SIGLEC15: variants seen among roughly 807,000 people sequenced by gnomAD.
SIGLEC15 encodes the protein sialic acid-binding Ig-like lectin 15.
Under a neutral mutation model 26.2 loss-of-function variants are expected in SIGLEC15, and 31 were observed. That is an observed-to-expected ratio of 1.18 (90% CI 0.89 to 1.60). SIGLEC15 has a LOEUF of 1.60. Ranked by LOEUF, SIGLEC15 falls within the 40% of genes most tolerant of loss-of-function variation. SIGLEC15 has a pLI of 0.00. For missense variants in SIGLEC15, 501 were observed against 488.4 expected (o/e 1.03, Z -0.24); for synonymous variants, 207 against 221.9 (o/e 0.93, Z 0.60).
intron 2 of SIGLEC15, 98 bp from the exon 3 acceptor site, chr18:45,837,415 T>G: frequency 7.3e-7 from 1 of 1,375,478 alleles, no homozygotes; most frequent in Non-Finnish European, 9.4e-7. Flanking sequence ...AGGCTAGGGG[T>G]TGGGGGAGCG....
intron 1 of SIGLEC15, among the ~76,000 whole-genome samples, chr18:45,830,363 T>A (rs997490771): frequency 1.3e-5 from 2 of 152,232 alleles, no homozygotes; most frequent in Admixed American, 6.5e-5. Context: ...ATCAGTCAAC[T>A]GCTCCCTAGT....
chr18:45,842,426 T>C lies in SIGLEC15; in HGVS notation c.*239T>C, dbSNP rs2048332796. The stretch of plus-strand genomic sequence containing the variant: ...CATTTCGTAAATGTGCATACGTCTG[T>C]GTGTGTGTGTGTGTGTGAGAGAGAG... On this transcript the variant is annotated 3_prime_UTR_variant, in exon 6 of 6. Coordinates refer to ENST00000389474, the MANE Select transcript of SIGLEC15 (RefSeq NM_213602.3). 6.5e-6 allele frequency: 3 copies of C among 464,588 alleles called. No homozygotes were observed. The highest frequency in any genetic ancestry group is 3.0e-5 in the African/African-American group (1 of 33,366). 28.8% of individuals were successfully genotyped at this position (464,588 alleles called of 1,614,324 possible). A position where few individuals can be genotyped will look rare whatever the true frequency, so the allele number is the denominator to read the frequency against.
At position 45,827,350 on chromosome 18, in the gene SIGLEC15, C is replaced by A. The variant is rs532456459; in HGVS notation, c.52+1570C>A. Among the ~76,000 whole-genome samples, 6 of 152,314 alleles carry A rather than the reference C, an allele frequency of 3.9e-5. No homozygotes were observed. The East Asian group carries it at 5.8e-4, about 15-fold the overall frequency. ...TGTGGGGCTTTTGGCTGGGCCCCCC[C>A]ACTACCCCACCCCACACAGCCATGG... On this transcript the variant is annotated intron_variant, in intron 1 of 5. Coordinates refer to ENST00000389474, the MANE Select transcript of SIGLEC15 (RefSeq NM_213602.3).
chr18:45,838,593 G>A, intron 3 of SIGLEC15, 125 bp from the exon 4 acceptor site: 1 of 1,299,808 alleles, frequency 7.7e-7, no homozygotes, highest in Non-Finnish European at 1.0e-6. Context: ...TATTGGGACG[G>A]GGGCAGCCTG....
chr18:45,833,077 C>A (rs796891149), intron 1 of SIGLEC15, among the ~76,000 whole-genome samples: 54 of 152,288 alleles, frequency 3.5e-4, no homozygotes, highest in African/African-American at 1.3e-3. Context: ...GGGGCCCAGA[C>A]CTGCCATTTG....
Position 45,837,741 on chromosome 18 carries a change from T to G in SIGLEC15, c.341T>G (p.Phe114Cys). 14 of 1,511,076 alleles carry G rather than the reference T, an allele frequency of 9.3e-6. No homozygotes were observed. Among genetic ancestry groups the G allele is most frequent in the Non-Finnish European group, 1.2e-5 (14 of 1,138,194 alleles). The allele number at this position is 1,511,076 out of a possible 1,614,324, so 93.6% of individuals were successfully genotyped here. A position where few individuals can be genotyped will look rare whatever the true frequency, so the allele number is the denominator to read the frequency against. ...ACGGCGCTGAGCCTGCACGGCCGCT[T>G]CCGGCTGCTGGGCAACCCGCGCCGC... Reference protein sequence around the residue: ...CQTALSLHGRFRLLGNPRRND... With the variant: ...CQTALSLHGRCRLLGNPRRND... The change falls in exon 3 of 6, where the codon TTC becomes TGC. Residue 114 changes from phenylalanine to cysteine, a missense_variant. Physicochemically the swap from Phe to Cys is radical, Grantham distance 205. Coordinates refer to ENST00000389474, the MANE Select transcript of SIGLEC15 (RefSeq NM_213602.3).
intron 4 of SIGLEC15, 57 bp from the exon 5 acceptor site, chr18:45,840,154 A>G: frequency 6.3e-7 from 1 of 1,599,196 alleles, no homozygotes; most frequent in East Asian, 2.2e-5. Flanking sequence ...GGGTGGGCGC[A>G]CAGGCTGCAG....
At chr18:45,832,496 T>C (rs1188993792) in intron 1 of SIGLEC15, among the ~76,000 whole-genome samples, 1 of 151,650 alleles carries the variant, frequency 6.6e-6, no homozygotes, top group Non-Finnish European at 1.5e-5. Context: ...CAGGCACAGA[T>C]TGGGTGCTTG....
At chr18:45,838,371 G>A (rs1230911383) in intron 3 of SIGLEC15, among the ~76,000 whole-genome samples, 1 of 152,180 alleles carries the variant, frequency 6.6e-6, no homozygotes, top group African/African-American at 2.4e-5. Flanking sequence ...CCCTAGAGCA[G>A]TGGCTCTCCA....
At chr18:45,837,159 T>A (rs947383482) in intron 2 of SIGLEC15, 71 bp downstream of exon 2, 1 of 1,589,136 alleles carries the variant, frequency 6.3e-7, no homozygotes, top group African/African-American at 1.4e-5. Context: ...ATCCCAGGGT[T>A]TTTCCACAGG....
Position 45,837,669 on chromosome 18 carries a change from C to G in SIGLEC15, c.269C>G (p.Pro90Arg). The change falls in exon 3 of 6, where the codon CCG (proline) becomes CGG (arginine). Residue 90 changes from proline to arginine, a missense_variant. Transcript: ENST00000389474. ...IWRAGEPYAG[P>R]QVFRCAAARG... is the part of the protein sequence containing the mutation. ...CGCGCGGGCGAGCCCTATGCGGGCCCGCAGGTGTTCCGCTGCGCTGCGGCG... is the reference window on the plus strand; with the variant it reads ...CGCGCGGGCGAGCCCTATGCGGGCCGGCAGGTGTTCCGCTGCGCTGCGGCG... 1 of 1,493,450 alleles carries G rather than the reference C, an allele frequency of 6.7e-7. No homozygotes were observed. Among genetic ancestry groups the G allele is most frequent in the Non-Finnish European group, 8.8e-7 (1 of 1,130,138 alleles). The allele number at this position is 1,493,450 out of a possible 1,614,324, so 92.5% of individuals were successfully genotyped here. A position where few individuals can be genotyped will look rare whatever the true frequency, so the allele number is the denominator to read the frequency against.
Position 45,835,404 on chromosome 18 carries a change from T to A in SIGLEC15, c.53-1625T>A, listed in dbSNP as rs117359154. Among the ~76,000 whole-genome samples the A allele has an allele frequency of 4.1e-4, 63 of 152,298 alleles. 1 individual carries two copies. The East Asian group carries it at 0.011, about 26-fold the overall frequency. ...CTGCATCTCATGCATGTACTTAAAA[T>A]TATGGGATGGAGGCAACGCACAAGC... On this transcript the variant is annotated intron_variant, in intron 1 of 5. Coordinates refer to ENST00000389474, the MANE Select transcript of SIGLEC15 (RefSeq NM_213602.3).
chr18:45,828,592 T>C (rs2048205746), intron 1 of SIGLEC15, among the ~76,000 whole-genome samples: 1 of 152,140 alleles, frequency 6.6e-6, no homozygotes, highest in Admixed American at 6.5e-5. Flanking sequence ...GCCAGGCCTG[T>C]GACAAACAGT....
In SIGLEC15 at chr18:45,839,070, C is replaced by T. The variant is rs754676656; in HGVS notation, c.849C>T (p.Ala283=). Residue 283 remains alanine, a synonymous_variant, in exon 4 of 6, where the codon GCC becomes GCT. Coordinates refer to ENST00000389474, the MANE Select transcript of SIGLEC15 (RefSeq NM_213602.3). ...FKALLLLGVL[A]ARAARRRPEH... ...CGCTGCTGCTGCTCGGGGTCCTGGC[C>T]GCCCGCGCTGCCCGCCGCCGCCCAG... 3 of 1,455,728 alleles carry T rather than the reference C, an allele frequency of 2.1e-6. No individual in the cohort carries two copies. Among genetic ancestry groups the T allele is most frequent in the Non-Finnish European group, 2.7e-6 (3 of 1,115,594 alleles). 90.2% of individuals were successfully genotyped at this position (1,455,728 alleles called of 1,614,324 possible). A position where few individuals can be genotyped will look rare whatever the true frequency, so the allele number is the denominator to read the frequency against.
chr18:45,834,632 A>G (rs375781146), intron 1 of SIGLEC15, among the ~76,000 whole-genome samples: 2 of 152,244 alleles, frequency 1.3e-5, no homozygotes, highest in Non-Finnish European at 2.9e-5. Flanking sequence ...TGTGCCTACA[A>G]ATCTGTCTCC....
intron 1 of SIGLEC15, among the ~76,000 whole-genome samples, chr18:45,830,877 C>T (rs567043089): frequency 1.3e-4 from 19 of 151,860 alleles, no homozygotes; most frequent in South Asian, 4.2e-4. Context: ...GGATTACAGG[C>T]GTGAGCCACC....
At position 45,842,185 on chromosome 18, in the gene SIGLEC15, T is replaced by A. The variant is rs2048330275; in HGVS notation, c.985T>A (p.Ter329ArgextTer13). 1.2e-6 allele frequency: 2 copies of A among 1,614,112 alleles called. No homozygotes were observed. Among genetic ancestry groups the A allele is most frequent in the Non-Finnish European group, 1.7e-6 (2 of 1,179,978 alleles). ...CCCACCAGCCACCATGTGCTCACCG[T>A]GAGGAGTCCCTCAGCCACCAACATC... ...RSPPATMCSP* is the reference protein window; with the variant it reads ...RSPPATMCSPR The change falls in exon 6 of 6, where the codon TGA (stop) becomes AGA (arginine). Residue 329 changes from the stop codon to arginine (R), a stop_lost. Transcript: ENST00000389474.
intron 1 of SIGLEC15, chr18:45,829,285 C>G (rs1306548897): frequency 2.6e-6 from 1 of 388,840 alleles, no homozygotes; most frequent in Non-Finnish European, 3.5e-6. Flanking sequence ...GCTGGCCTTT[C>G]ACTCACTACT....
Position 45,838,946 on chromosome 18 carries a change from G to A in SIGLEC15, c.725G>A (p.Ser242Asn). 10 of 1,605,200 alleles carry A rather than the reference G, an allele frequency of 6.2e-6. No homozygotes were observed. The highest frequency in any genetic ancestry group is 8.5e-6 in the Non-Finnish European group (10 of 1,178,622). ...DGRYTCTAANSLGRSEASVYL... is the reference protein window; with the variant it reads ...DGRYTCTAANNLGRSEASVYL... ...CGCTACACGTGTACGGCCGCCAACAGCCTGGGCCGCTCCGAGGCCAGCGTC... is the reference window on the plus strand; with the variant it reads ...CGCTACACGTGTACGGCCGCCAACAACCTGGGCCGCTCCGAGGCCAGCGTC... Residue 242 changes from serine (S) to asparagine (N), a missense_variant, in exon 4 of 6, where the codon AGC becomes AAC. Ser to Asn is a conservative substitution (Grantham distance 46). Transcript: ENST00000389474.
Sources: allele counts gnomAD v4.1 joint callset (sites outside exome capture counted in the v4.1 genomes callset), GRCh38; gene constraint gnomAD v4.1.1; transcripts MANE v1.5; gene names NCBI Gene and HGNC (gene_info 2026-07-23, HGNC 2026-07-21).